Variants in NBEA observed in about 807,000 individuals in gnomAD.
NBEA encodes the protein lysosomal-trafficking regulator 2.
In NBEA, 44 loss-of-function variants were observed where a neutral mutation model predicts 343.4. The observed-to-expected ratio is 0.13, with a 90% CI of 0.10 to 0.16. NBEA has a LOEUF of 0.16. NBEA is among the 10% of genes least tolerant of loss of function. The pLI is 1.00. For missense variants in NBEA, 2,555 were observed against 3,631.3 expected (o/e 0.70, Z 7.62); for synonymous variants, 1,175 against 1,238.7 (o/e 0.95, Z 1.08).
chr13:35,338,285 A>G (rs545255837), intron 36 of NBEA, among the ~76,000 whole-genome samples: 15 of 152,106 alleles, frequency 9.9e-5, no homozygotes, highest in African/African-American at 3.1e-4. Context: ...TAATGACCTT[A>G]ATGAAAGAAA....
At chr13:35,450,602 G>A (rs2046261939) in intron 39 of NBEA, among the ~76,000 whole-genome samples, 1 of 152,146 alleles carries the variant, frequency 6.6e-6, no homozygotes, top group African/African-American at 2.4e-5. Flanking sequence ...TTCGACCAAA[G>A]GCATGACATC....
chr13:35,266,963 G>A (rs1003677978), intron 34 of NBEA, among the ~76,000 whole-genome samples: 1 of 151,874 alleles, frequency 6.6e-6, no homozygotes, highest in Non-Finnish European at 1.5e-5. Context: ...ATGTTAATAT[G>A]TACTGTATTG....
intron 41 of NBEA, among the ~76,000 whole-genome samples, chr13:35,517,580 T>C (rs1358995385): frequency 1.3e-5 from 2 of 152,236 alleles, no homozygotes. Flanking sequence ...CTCCCACCTC[T>C]TTAGCCTATT....
rs377443545 is a variant in NBEA at position 35,349,195 on chromosome 13, A to G, written c.5991A>G (p.Val1997=). 1.6e-5 allele frequency: 26 copies of G among 1,602,226 alleles called. No individual in the cohort carries two copies. The highest frequency in any genetic ancestry group is 1.7e-4 in the Middle Eastern group (1 of 6,034). Residue 1997 remains valine, a synonymous_variant, in exon 37 of 59, where the codon GTA becomes GTG. Coordinates refer to ENST00000379939, the MANE Select transcript of NBEA (RefSeq NM_001385012.1). ...TGAACAGACAAAGAGCCGAGGATGT[A>G]CATAAACATGCAGAGTTTGAGGTAA... is the stretch of plus-strand genomic sequence containing the variant. The part of the protein sequence containing the change: ...FILNRQRAED[V]HKHAEFESQC...
Position 35,571,681 on chromosome 13 carries a change from G to A in NBEA, c.7035+4664G>A, listed in dbSNP as rs534028633. ...TATGATTGACAAAAACCTACTGAAG[G>A]TTATTTGATTCCTCTGATTTATTTT... On this transcript the variant is annotated intron_variant, in intron 45 of 58. Transcript: ENST00000379939. Among the ~76,000 whole-genome samples the A allele has an allele frequency of 2.6e-5, 4 of 152,082 alleles. No homozygotes were observed. The South Asian group carries it at 8.3e-4, about 32-fold the overall frequency.
chr13:35,367,551 G>T (rs536042297), intron 38 of NBEA, among the ~76,000 whole-genome samples: 3 of 122,418 alleles, frequency 2.5e-5, no homozygotes, highest in African/African-American at 8.3e-5. Flanking sequence ...AGCTGTTGTT[G>T]TTGTTTTTTT....
At chr13:35,416,942 A>T (rs1167058491) in intron 38 of NBEA, among the ~76,000 whole-genome samples, 1 of 152,034 alleles carries the variant, frequency 6.6e-6, no homozygotes, top group Non-Finnish European at 1.5e-5. Context: ...CAGGGATTGA[A>T]CTTCTTCCTG....
chr13:35,658,741 A>T (rs954277472), intron 55 of NBEA, among the ~76,000 whole-genome samples: 2 of 152,226 alleles, frequency 1.3e-5, no homozygotes, highest in African/African-American at 4.8e-5. Context: ...GCTTTTTTCC[A>T]TAAGGATGAT....
chr13:35,311,394 A>G (rs943793378), intron 36 of NBEA, among the ~76,000 whole-genome samples: 22 of 152,026 alleles, frequency 1.4e-4, no homozygotes, highest in Admixed American at 1.2e-3. Context: ...AAACACTTAA[A>G]TTAAGATTAT....
At chr13:35,559,066 C>T (rs2079727843) in intron 44 of NBEA, among the ~76,000 whole-genome samples, 1 of 152,124 alleles carries the variant, frequency 6.6e-6, no homozygotes, top group Non-Finnish European at 1.5e-5. Context: ...TTTAATTCTT[C>T]CTTTGCTATC....
intron 40 of NBEA, among the ~76,000 whole-genome samples, chr13:35,467,629 T>C (rs560891738): frequency 1.3e-5 from 2 of 152,218 alleles, no homozygotes; most frequent in Non-Finnish European, 2.9e-5. Context: ...TGGAATAATA[T>C]TATTTTACAT....
intron 38 of NBEA, among the ~76,000 whole-genome samples, chr13:35,369,178 G>C (rs1471861082): frequency 8.5e-6 from 1 of 118,034 alleles, no homozygotes; most frequent in East Asian, 2.2e-4. Flanking sequence ...TTTTTTTGAA[G>C]AGAGTGTGTG....
chr13:35,410,331 G>T (rs543663277), intron 38 of NBEA, among the ~76,000 whole-genome samples: 2 of 152,080 alleles, frequency 1.3e-5, no homozygotes, highest in Non-Finnish European at 2.9e-5. Flanking sequence ...AGTATACTTC[G>T]TAAAGGCAGG....
At chr13:35,047,871 C>T (rs1360873105) in intron 4 of NBEA, among the ~76,000 whole-genome samples, 1 of 149,930 alleles carries the variant, frequency 6.7e-6, no homozygotes, top group Non-Finnish European at 1.5e-5. Context: ...AATACATTCA[C>T]ACATTTCTTG....
At chr13:34,976,405 A>C (rs7338242) in intron 1 of NBEA, among the ~76,000 whole-genome samples, 57,528 of 151,788 alleles carry the variant, frequency 0.38, 11,521 homozygotes, top group East Asian at 0.49. Flanking sequence ...GATACATTGG[A>C]GTTTGGGGAC....
chr13:35,578,936 T>A (rs1036494663), intron 45 of NBEA, among the ~76,000 whole-genome samples: 6 of 152,152 alleles, frequency 3.9e-5, no homozygotes, highest in South Asian at 2.1e-4. Context: ...TAAACTTTTT[T>A]TTTTTTTTAA....
At chr13:35,139,744 GTTTTTTTTTTTTT>G (rs36117821) in intron 17 of NBEA, among the ~76,000 whole-genome samples, 3 of 61,130 alleles carry the variant, frequency 4.9e-5, no homozygotes, top group Non-Finnish European at 8.6e-5. Flanking sequence ...GATGGATGGC[GTTTTTTTTTTTTT>G]TTTTTTTTTT....
At chr13:35,176,428 A>G (rs536125423) in intron 27 of NBEA, among the ~76,000 whole-genome samples, 1 of 152,206 alleles carries the variant, frequency 6.6e-6, no homozygotes, top group South Asian at 2.1e-4. Context: ...TTAGTAGTCT[A>G]CTATGTGACT....
chr13:35,150,449 C>T (rs1047049900), intron 18 of NBEA, among the ~76,000 whole-genome samples: 31 of 151,668 alleles, frequency 2.0e-4, no homozygotes, highest in African/African-American at 9.7e-5. Context: ...TTTGCTGTGT[C>T]GCATCTAGTT....
Sources: gnomAD v4.1 joint callset for allele counts (sites outside exome capture counted in the v4.1 genomes callset) on GRCh38, gnomAD v4.1.1 for gene constraint, MANE v1.5 for transcripts, NCBI Gene and HGNC (gene_info 2026-07-23, HGNC 2026-07-21) for gene names.